PDCD6: variants seen among roughly 807,000 people sequenced by gnomAD.
PDCD6 encodes programmed cell death 6.
A neutral mutation model predicts 28.3 loss-of-function variants in PDCD6; 12 were observed. The ratio of observed to expected loss-of-function variants is 0.42; its 90% CI spans 0.27 to 0.69. The LOEUF (loss-of-function observed/expected upper bound fraction) is 0.69. PDCD6 is among the 30% of genes least tolerant of loss of function. PDCD6 has a pLI of 0.22. For missense variants in PDCD6, 226 were observed against 269.9 expected, an observed-to-expected ratio of 0.84 and a Z score of 1.14; for synonymous variants, 92 against 108.0, an observed-to-expected ratio of 0.85 and a Z score of 0.92.
chr5:272,201 C>G (rs1218247407), intron 1 of PDCD6, among the ~76,000 whole-genome samples: 3 of 145,836 alleles, frequency 2.1e-5, no homozygotes, highest in African/African-American at 5.3e-5. Flanking sequence ...TCAAGAGCCG[C>G]CAGGTGGAGG....
At chr5:310,464 C>T (rs1330357140) in intron 4 of PDCD6, 2 of 152,332 alleles carry the variant, frequency 1.3e-5, no homozygotes, top group Non-Finnish European at 2.9e-5. Flanking sequence ...AATATATCAG[C>T]ACCTGGATCT....
intron 2 of PDCD6, among the ~76,000 whole-genome samples, chr5:275,400 C>G (rs1312348629): frequency 6.6e-6 from 1 of 152,240 alleles, no homozygotes; most frequent in Admixed American, 6.5e-5. Flanking sequence ...CACCCCATTT[C>G]TCCTGGAGCT....
intron 5 of PDCD6, chr5:312,143 C>G (rs1428652085): frequency 6.6e-6 from 1 of 152,420 alleles, no homozygotes; most frequent in Non-Finnish European, 1.5e-5. Context: ...TTCCCGTGCA[C>G]TCCAGTGTCT....
chr5:290,371 G>A, intron 2 of PDCD6: 2 of 981,462 alleles, frequency 2.0e-6, no homozygotes, highest in Non-Finnish European at 3.2e-6. Flanking sequence ...AGGTCTCTTG[G>A]GGACCGGAAT....
intron 2 of PDCD6, among the ~76,000 whole-genome samples, chr5:286,324 C>T (rs1341811056): frequency 5.9e-5 from 9 of 151,828 alleles, no homozygotes; most frequent in Non-Finnish European, 1.0e-4. Context: ...CAGCTGGAGA[C>T]CCATGGGGGA....
At chr5:284,459 G>A (rs1407595019) in intron 2 of PDCD6, among the ~76,000 whole-genome samples, 7 of 152,048 alleles carry the variant, frequency 4.6e-5, no homozygotes, top group Non-Finnish European at 1.0e-4. Context: ...TGATGTTCCA[G>A]TTTGAGGGCC....
intron 2 of PDCD6, among the ~76,000 whole-genome samples, chr5:283,090 A>T (rs1303877707): frequency 6.6e-6 from 1 of 151,808 alleles, no homozygotes; most frequent in Non-Finnish European, 1.5e-5. Flanking sequence ...GCAGGAGCTG[A>T]TGTTCTAGTT....
At chr5:301,176 A>G (rs1344057626) in intron 2 of PDCD6, among the ~76,000 whole-genome samples, 4 of 152,224 alleles carry the variant, frequency 2.6e-5, no homozygotes, top group Non-Finnish European at 4.4e-5. Flanking sequence ...AGGGCCACGG[A>G]CGCAGAAGAC....
intron 4 of PDCD6, chr5:309,625 CCCCG>C (rs1740769524): frequency 5.4e-6 from 1 of 185,176 alleles, no homozygotes; most frequent in East Asian, 2.1e-4. Flanking sequence ...TGGCCGCCGT[CCCCG>C]TGCACACCAG....
At chr5:288,641 A>G (rs1434921108) in intron 2 of PDCD6, among the ~76,000 whole-genome samples, 1 of 152,278 alleles carries the variant, frequency 6.6e-6, no homozygotes, top group East Asian at 1.9e-4. Flanking sequence ...GGTAAGGTAA[A>G]CAGGACCCAG....
In PDCD6 at chr5:288,959, A is replaced by G. The variant is rs769215551; in HGVS notation, c.164-15218A>G. 6 of 1,471,308 alleles carry G rather than the reference A, an allele frequency of 4.1e-6. No homozygotes were observed. The Admixed American group carries it at 8.4e-5, about 21-fold the overall frequency. The allele number at this position is 1,471,308 out of a possible 1,614,324, so 91.1% of individuals were successfully genotyped here. On this transcript the variant is annotated intron_variant, in intron 2 of 5. Coordinates refer to ENST00000264933, the MANE Select transcript of PDCD6 (RefSeq NM_013232.4). ...CTAATTCTTCTGTTTCACGGCAGTCAGAAGAACCACTACTTTCAGGGCCTT... is the reference window on the plus strand; with the variant it reads ...CTAATTCTTCTGTTTCACGGCAGTCGGAAGAACCACTACTTTCAGGGCCTT...
rs533577619 is a variant in PDCD6, at chr5:298,501, C to T, written c.164-5676C>T. Among the ~76,000 whole-genome samples, 327 of 152,012 alleles carry T rather than the reference C, an allele frequency of 2.2e-3. 1 individual carries two copies. Among genetic ancestry groups the T allele is most frequent in the Non-Finnish European group, 4.1e-3 (279 of 67,922 alleles). On this transcript the variant is annotated intron_variant, in intron 2 of 5. Coordinates refer to ENST00000264933, the MANE Select transcript of PDCD6 (RefSeq NM_013232.4). ...CTCTCCTCCCCAGCTCCGTTCCAAG[C>T]TCTGTGGGGCTCCGGCAGGCCCCAT... is the stretch of plus-strand genomic sequence containing the variant.
intron 2 of PDCD6, chr5:273,019 G>C: frequency 1.8e-6 from 1 of 565,900 alleles, no homozygotes; most frequent in Non-Finnish European, 3.1e-6. Flanking sequence ...CTTGAGAAAT[G>C]AAAACTAGAT....
chr5:279,125 G>A (rs1738402720), intron 2 of PDCD6, among the ~76,000 whole-genome samples: 1 of 152,160 alleles, frequency 6.6e-6, no homozygotes, highest in South Asian at 2.1e-4. Flanking sequence ...TGGTGAAGAA[G>A]AATTCCAGTG....
intron 2 of PDCD6, chr5:289,439 C>G (rs375210156): frequency 1.0e-5 from 7 of 689,754 alleles, no homozygotes; most frequent in East Asian, 2.5e-5. Flanking sequence ...CTCTTCTGTA[C>G]GCGCTGCCGG....
chr5:276,936 A>T (rs941649668), intron 2 of PDCD6: 1 of 985,240 alleles, frequency 1.0e-6, no homozygotes, highest in Non-Finnish European at 1.2e-6. Context: ...AAATGTTCCA[A>T]ACTATCTTGA....
chr5:300,472 C>A (rs192532493), intron 2 of PDCD6, among the ~76,000 whole-genome samples: 1 of 152,214 alleles, frequency 6.6e-6, no homozygotes, highest in African/African-American at 2.4e-5. Flanking sequence ...TCTCAGGGAC[C>A]CCCATGCAGT....
At position 303,757 on chromosome 5, in the gene PDCD6, G is replaced by C. The variant is rs1273607072; in HGVS notation, c.164-420G>C. On this transcript the variant is annotated intron_variant, in intron 2 of 5. Coordinates refer to ENST00000264933, the MANE Select transcript of PDCD6 (RefSeq NM_013232.4). ...GTTCAGGTGTCTGCAGGCAGTGGTG[G>C]CCTTGATGATGGATTTTCTGAAATG... Among the ~76,000 whole-genome samples the C allele has an allele frequency of 2.0e-5, 3 of 149,302 alleles. No homozygotes were observed. The South Asian group carries it at 6.3e-4, about 31-fold the overall frequency.
At chr5:290,433 T>G in intron 2 of PDCD6, 1 of 655,422 alleles carries the variant, frequency 1.5e-6, no homozygotes, top group Non-Finnish European at 2.7e-6. Context: ...CACTCCCGCA[T>G]GCAGGCCAAG....
Sources: allele counts gnomAD v4.1 joint callset (sites outside exome capture counted in the v4.1 genomes callset), GRCh38; gene constraint gnomAD v4.1.1; transcripts MANE v1.5; gene names NCBI Gene and HGNC (gene_info 2026-07-23, HGNC 2026-07-21).